The following SLC1A2 variants were observed in gnomAD, a reference collection of about 807,000 sequenced individuals.
SLC1A2 encodes the protein excitatory amino acid transporter 2.
In SLC1A2, 15 loss-of-function variants were observed where a neutral mutation model predicts 48.8. That is an observed-to-expected ratio of 0.31 (90% CI 0.21 to 0.47). The LOEUF is 0.47. SLC1A2 is among the 20% of genes least tolerant of loss of function. SLC1A2 has a pLI of 0.99. For synonymous variants in SLC1A2, 279 were observed against 272.6 expected, an observed-to-expected ratio of 1.02 and a Z score of -0.23; for missense variants, 502 against 730.5, an observed-to-expected ratio of 0.69 and a Z score of 3.61.
intron 4 of SLC1A2, among the ~76,000 whole-genome samples, chr11:35,310,060 G>A (rs528808005): frequency 5.9e-5 from 9 of 152,308 alleles, no homozygotes; most frequent in African/African-American, 1.9e-4. Context: ...CCACCACAGC[G>A]CTCACCGAGT....
chr11:35,384,012 C>T (rs150796652), intron 1 of SLC1A2, among the ~76,000 whole-genome samples: 50 of 152,346 alleles, frequency 3.3e-4, no homozygotes, highest in Non-Finnish European at 2.8e-4. Context: ...AGAAACTGTA[C>T]TGCCACAACA....
At chr11:35,384,430 A>G (rs1175680651) in intron 1 of SLC1A2, among the ~76,000 whole-genome samples, 3 of 152,206 alleles carry the variant, frequency 2.0e-5, no homozygotes, top group Admixed American at 6.5e-5. Flanking sequence ...GTAATGTACA[A>G]ATAATGAATG....
intron 1 of SLC1A2, among the ~76,000 whole-genome samples, chr11:35,385,712 CATCTTCTAACCA>C (rs1402068344): frequency 6.6e-6 from 1 of 152,178 alleles, no homozygotes; most frequent in Non-Finnish European, 1.5e-5. Context: ...TTCTCCTTAG[CATCTTCTAACCA>C]ATCTTATATC....
intron 6 of SLC1A2, chr11:35,299,353 C>CTGTGTGTGTGTGTGTGTG (rs368080710): frequency 6.8e-6 from 1 of 146,884 alleles, no homozygotes; most frequent in African/African-American, 2.5e-5. Context: ...CTCTCTCTCT[C>CTGTGTGTGTGTGTGTGTG]TGTGTGTGTG....
intron 1 of SLC1A2, among the ~76,000 whole-genome samples, chr11:35,401,163 C>A (rs2135271778): frequency 6.6e-6 from 1 of 152,198 alleles, no homozygotes; most frequent in South Asian, 2.1e-4. Flanking sequence ...ATTAAGTCTC[C>A]AGGTAGCAGG....
At chr11:35,361,491 C>T (rs950287546) in intron 1 of SLC1A2, among the ~76,000 whole-genome samples, 1 of 152,150 alleles carries the variant, frequency 6.6e-6, no homozygotes, top group Non-Finnish European at 1.5e-5. Flanking sequence ...TCCAGGCTGG[C>T]CTCCCTCACT....
intron 4 of SLC1A2, among the ~76,000 whole-genome samples, chr11:35,310,539 A>G (rs953077455): frequency 3.4e-4 from 52 of 152,148 alleles, no homozygotes; most frequent in Non-Finnish European, 4.4e-5. Context: ...ACATATCCCA[A>G]CCCAGAGTAA....
At chr11:35,411,390 G>C (rs1855455707) in intron 1 of SLC1A2, among the ~76,000 whole-genome samples, 1 of 152,208 alleles carries the variant, frequency 6.6e-6, no homozygotes, top group Non-Finnish European at 1.5e-5. Context: ...TTTTGTTCAT[G>C]TTGATGTCCA....
chr11:35,398,356 T>G (rs1276928137), intron 1 of SLC1A2, among the ~76,000 whole-genome samples: 1 of 152,192 alleles, frequency 6.6e-6, no homozygotes, highest in East Asian at 1.9e-4. Flanking sequence ...TCATGTCCCT[T>G]GCAGCAACAT....
chr11:35,301,679 A>G (rs1384021967), intron 5 of SLC1A2, 34 bp from the exon 6 acceptor site: 1 of 1,604,310 alleles, frequency 6.2e-7, no homozygotes, highest in Non-Finnish European at 8.5e-7. Flanking sequence ...AGAAGGACAA[A>G]TTACAAAAAA....
Position 35,348,081 on chromosome 11 carries a change from G to C in SLC1A2, c.18-30565C>G, listed in dbSNP as rs533344554. 3.4e-4 allele frequency among the ~76,000 whole-genome samples: 52 copies of C among 152,314 alleles called. 1 individual carries two copies. Among genetic ancestry groups the C allele is most frequent in the East Asian group, 2.9e-3 (15 of 5,188 alleles). On this transcript the variant is annotated intron_variant, in intron 1 of 10. Transcript: ENST00000278379. ...TTCAGGCCTTTCTTATTCATGGAAA[G>C]TGCCCAGCCCACAGACACTATCCCC...
chr11:35,317,758 T>A (rs910755245), intron 1 of SLC1A2, among the ~76,000 whole-genome samples: 1 of 152,028 alleles, frequency 6.6e-6, no homozygotes, highest in African/African-American at 2.4e-5. Flanking sequence ...TTCCAAAGAG[T>A]TGCCCCCCGT....
chr11:35,293,140 G>A (rs1424094685), intron 6 of SLC1A2, among the ~76,000 whole-genome samples: 1 of 152,106 alleles, frequency 6.6e-6, no homozygotes, highest in Non-Finnish European at 1.5e-5. Flanking sequence ...TAAGCACTAT[G>A]GTGAGAGCTG....
intron 1 of SLC1A2, among the ~76,000 whole-genome samples, chr11:35,327,377 A>C (rs189572466): frequency 6.6e-6 from 1 of 152,300 alleles, no homozygotes; most frequent in East Asian, 1.9e-4. Context: ...ACAGGTACTA[A>C]TTTTGCCCAA....
intron 1 of SLC1A2, among the ~76,000 whole-genome samples, chr11:35,368,537 A>C (rs1389121764): frequency 6.6e-6 from 1 of 152,210 alleles, no homozygotes. Flanking sequence ...TCTACACATA[A>C]AGAAAGTAAG....
At chr11:35,375,801 C>T (rs781563588) in intron 1 of SLC1A2, among the ~76,000 whole-genome samples, 1 of 152,128 alleles carries the variant, frequency 6.6e-6, no homozygotes, top group Non-Finnish European at 1.5e-5. Context: ...TGAGTGATCA[C>T]CACCTGTGAA....
At chr11:35,332,448 A>C (rs189716455) in intron 1 of SLC1A2, among the ~76,000 whole-genome samples, 1 of 152,248 alleles carries the variant, frequency 6.6e-6, no homozygotes, top group African/African-American at 2.4e-5. Context: ...AAATTATGAC[A>C]TCAAAGCAAG....
chr11:35,346,670 C>T (rs2135060633), intron 1 of SLC1A2, among the ~76,000 whole-genome samples: 1 of 152,368 alleles, frequency 6.6e-6, no homozygotes, highest in East Asian at 1.9e-4. Flanking sequence ...TGTTGAGTGA[C>T]TCAAAGCGTA....
At position 35,335,422 on chromosome 11, in the gene SLC1A2, C is replaced by T. The variant is rs192363270; in HGVS notation, c.18-17906G>A. On this transcript the variant is annotated intron_variant, in intron 1 of 10. Coordinates refer to ENST00000278379, the MANE Select transcript of SLC1A2 (RefSeq NM_004171.4). The stretch of plus-strand genomic sequence containing the variant: ...ACCAAGGGCAGCTGTGATGAAGTCA[C>T]GGGGAACAAATTAGCAGAGGTCCCA... Among the ~76,000 whole-genome samples the T allele has an allele frequency of 1.4e-4, 22 of 152,266 alleles. No individual in the cohort carries two copies. The Middle Eastern group carries it at 0.01, about 71-fold the overall frequency.
Sources: gnomAD v4.1 joint callset for allele counts (sites outside exome capture counted in the v4.1 genomes callset) on GRCh38, gnomAD v4.1.1 for gene constraint, MANE v1.5 for transcripts, NCBI Gene and HGNC (gene_info 2026-07-23, HGNC 2026-07-21) for gene names.